XIRP2: variants seen among roughly 807,000 people sequenced by gnomAD.
XIRP2 encodes xin actin binding repeat containing 2.
XIRP2 carries 236 observed loss-of-function variants against 277.0 expected under a neutral mutation model. The observed-to-expected ratio is 0.85, with a 90% CI of 0.77 to 0.95. XIRP2 has a LOEUF of 0.95. Ranked by LOEUF, XIRP2 falls within the 40% of genes least tolerant of loss-of-function variation. The probability of loss-of-function intolerance (pLI) is 0.00; values close to 1 mark genes in which losing one functional copy is unlikely to be tolerated. For missense variants in XIRP2, 4,640 were observed against 4,157.5 expected (o/e 1.12, Z -3.19); for synonymous variants, 1,490 against 1,416.5 (o/e 1.05, Z -1.17).
chr2:167,084,830 C>T (rs1403088995), intron 2 of XIRP2, among the ~76,000 whole-genome samples: 1 of 150,942 alleles, frequency 6.6e-6, no homozygotes, highest in Non-Finnish European at 1.5e-5. Flanking sequence ...ATTCTTCTCT[C>T]TTTTTTTCTT....
At chr2:167,211,114 A>AT (rs972200268) in intron 4 of XIRP2, among the ~76,000 whole-genome samples, 5 of 151,678 alleles carry the variant, frequency 3.3e-5, no homozygotes, top group South Asian at 4.2e-4. Context: ...TTTATTTTTT[A>AT]TTTTTTTTGA....
intron 2 of XIRP2, among the ~76,000 whole-genome samples, chr2:166,981,193 A>G (rs566914919): frequency 1.6e-4 from 24 of 152,128 alleles, no homozygotes; most frequent in Middle Eastern, 3.4e-3. Flanking sequence ...AACAATAGAC[A>G]TTTTTCTCAG....
Position 167,248,111 on chromosome 2 carries a change from A to G in XIRP2, c.6719A>G (p.Lys2240Arg), listed in dbSNP as rs745399661. The change falls in exon 9 of 11, where the codon AAA becomes AGA. Residue 2240 changes from lysine to arginine, a missense_variant. Coordinates refer to ENST00000409195, the MANE Select transcript of XIRP2 (RefSeq NM_152381.6). ...CACAATACATTTAAGGCAACCAACA[A>G]AAAGCGGGAGACTGATGTTCACTTG... ...KSHNTFKATN[K>R]KRETDVHLKS... The G allele has an allele frequency of 2.5e-6, 4 of 1,613,314 alleles. No individual in the cohort carries two copies. Among genetic ancestry groups the G allele is most frequent in the Middle Eastern group, 1.7e-4 (1 of 6,052 alleles).
At chr2:167,112,070 T>C (rs191338544) in intron 2 of XIRP2, among the ~76,000 whole-genome samples, 27 of 152,258 alleles carry the variant, frequency 1.8e-4, no homozygotes, top group Admixed American at 7.2e-4. Flanking sequence ...TTTACTAATC[T>C]AACTAGTGTT....
intron 2 of XIRP2, among the ~76,000 whole-genome samples, chr2:166,999,916 A>G (rs148885703): frequency 6.6e-6 from 1 of 152,176 alleles, no homozygotes; most frequent in Non-Finnish European, 1.5e-5. Flanking sequence ...GAAAATTATT[A>G]TAAGAAAAAA....
At position 167,243,431 on chromosome 2, in the gene XIRP2, T is replaced by C. The variant is rs759907175; in HGVS notation, c.2039T>C (p.Ile680Thr). ...HQSQEESAVT[I>T]SKDITGGDVK... ...AGTCAAGAAGAATCAGCGGTAACTA[T>C]CAGTAAGGACATAACTGGGGGGGAT... Residue 680 changes from isoleucine (I) to threonine (T), a missense_variant, in exon 9 of 11, where the codon ATC (isoleucine) becomes ACC (threonine). Physicochemically the swap from Ile to Thr is moderately conservative, Grantham distance 89. Coordinates refer to ENST00000409195, the MANE Select transcript of XIRP2 (RefSeq NM_152381.6). The C allele has an allele frequency of 3.7e-6, 6 of 1,613,950 alleles. No homozygotes were observed. Among genetic ancestry groups the C allele is most frequent in the Non-Finnish European group, 5.1e-6 (6 of 1,179,962 alleles).
chr2:167,137,732 A>G (rs755468411), intron 3 of XIRP2, among the ~76,000 whole-genome samples: 11 of 152,228 alleles, frequency 7.2e-5, no homozygotes, highest in Non-Finnish European at 1.5e-4. Context: ...TGACAATAAC[A>G]AGAAGTAAAC....
Position 167,248,188 on chromosome 2 carries a change from G to T in XIRP2, c.6796G>T (p.Ala2266Ser). Residue 2266 changes from alanine to serine, a missense_variant, in exon 9 of 11, where the codon GCA becomes TCA. Physicochemically the swap from Ala to Ser is moderately conservative, Grantham distance 99. Coordinates refer to ENST00000409195, the MANE Select transcript of XIRP2 (RefSeq NM_152381.6). ...AAATACTTCCACAGGCTTAAAAATGGCAATGGAAAGGTCCTTGAATCCAAT... is the reference window on the plus strand; with the variant it reads ...AAATACTTCCACAGGCTTAAAAATGTCAATGGAAAGGTCCTTGAATCCAAT... ...KTNTSTGLKM[A>S]MERSLNPINF... The T allele has an allele frequency of 1.2e-6, 2 of 1,613,618 alleles. No individual in the cohort carries two copies. Among genetic ancestry groups the T allele is most frequent in the Non-Finnish European group, 1.7e-6 (2 of 1,179,762 alleles).
At chr2:166,919,937 A>G (rs1684993904) in intron 2 of XIRP2, among the ~76,000 whole-genome samples, 3 of 152,164 alleles carry the variant, frequency 2.0e-5, no homozygotes, top group Admixed American at 2.0e-4. Flanking sequence ...AAAAATACTT[A>G]TTTATCCAGC....
intron 2 of XIRP2, among the ~76,000 whole-genome samples, chr2:166,998,138 AT>A (rs1687272912): frequency 6.6e-6 from 1 of 152,158 alleles, no homozygotes; most frequent in Admixed American, 6.5e-5. Context: ...ATTATTTTGC[AT>A]TGATTCCATG....
chr2:167,252,094 C>T (rs1695528772), intron 9 of XIRP2, 147 bp downstream of exon 9: 1 of 1,224,388 alleles, frequency 8.2e-7, no homozygotes, highest in East Asian at 2.6e-5. Flanking sequence ...TGCTTATAGA[C>T]TCTTTATATG....
intron 2 of XIRP2, among the ~76,000 whole-genome samples, chr2:166,980,402 C>A (rs1686832693): frequency 6.6e-6 from 1 of 152,038 alleles, no homozygotes; most frequent in Non-Finnish European, 1.5e-5. Context: ...AATTTTAATG[C>A]AGTTACTAAT....
chr2:166,979,083 A>G (rs2105430538), intron 2 of XIRP2, among the ~76,000 whole-genome samples: 1 of 152,288 alleles, frequency 6.6e-6, no homozygotes, highest in South Asian at 2.1e-4. Context: ...TACATGACAA[A>G]TTTTGTCACC....
intron 2 of XIRP2, among the ~76,000 whole-genome samples, chr2:166,957,751 G>T (rs1686199007): frequency 6.6e-6 from 1 of 151,748 alleles, no homozygotes; most frequent in African/African-American, 2.4e-5. Flanking sequence ...AACAAACCAT[G>T]CAGATAGACC....
rs567241359 is a variant in XIRP2 at position 167,021,774 on chromosome 2, G to A, written c.409-114135G>A. ...CAAGAGATTGAGGCTGTGGTGAGCC[G>A]TGACTGTGTCACTGTACTCCAGCCT... is the stretch of plus-strand genomic sequence containing the variant. On this transcript the variant is annotated intron_variant, in intron 2 of 10. Coordinates refer to ENST00000409195, the MANE Select transcript of XIRP2 (RefSeq NM_152381.6). 5.9e-5 allele frequency among the ~76,000 whole-genome samples: 9 copies of A among 152,134 alleles called. No individual in the cohort carries two copies. The South Asian group carries it at 1.2e-3, about 21-fold the overall frequency.
intron 3 of XIRP2, among the ~76,000 whole-genome samples, chr2:167,192,285 A>G (rs1441628293): frequency 6.6e-6 from 1 of 152,198 alleles, no homozygotes; most frequent in Admixed American, 6.5e-5. Context: ...TTAAATTTTG[A>G]TAAGTAGAGT....
chr2:167,226,750 T>C (rs1694614258), intron 5 of XIRP2, among the ~76,000 whole-genome samples: 1 of 152,138 alleles, frequency 6.6e-6, no homozygotes, highest in Admixed American at 6.5e-5. Context: ...GTAGCAAGTT[T>C]CGAAGAGTTC....
At position 167,186,667 on chromosome 2, in the gene XIRP2, A is replaced by G. The variant is rs1389711877; in HGVS notation, c.563-24068A>G. Among the ~76,000 whole-genome samples the G allele has an allele frequency of 4.6e-5, 7 of 152,140 alleles. No homozygotes were observed. The East Asian group carries it at 1.3e-3, about 29-fold the overall frequency. On this transcript the variant is annotated intron_variant, in intron 3 of 10. Coordinates refer to ENST00000409195, the MANE Select transcript of XIRP2 (RefSeq NM_152381.6). ...AAAGGACATTTAATATGATTCTCTC[A>G]GGAGCACGTGAGGTGACTCCTTTTC...
At position 167,027,016 on chromosome 2, in the gene XIRP2, C is replaced by T. The variant is rs929577373; in HGVS notation, c.409-108893C>T. On this transcript the variant is annotated intron_variant, in intron 2 of 10. Transcript: ENST00000409195. ...CTCTTCTTGAGGAGTATCTTTGTGG[C>T]GTTCTCTATATTTCCTGAATGTGAA... Among the ~76,000 whole-genome samples, 6 of 151,822 alleles carry T rather than the reference C, an allele frequency of 4.0e-5. 1 individual carries two copies. The East Asian group carries it at 5.8e-4, about 15-fold the overall frequency.
Sources: gnomAD v4.1 joint callset for allele counts (sites outside exome capture counted in the v4.1 genomes callset) on GRCh38, gnomAD v4.1.1 for gene constraint, MANE v1.5 for transcripts, NCBI Gene and HGNC (gene_info 2026-07-23, HGNC 2026-07-21) for gene names.